The following FAM185A variants were observed in gnomAD, a reference collection of about 807,000 sequenced individuals.
The protein encoded by FAM185A is family with sequence similarity 185 member A, also known as protein FAM185A.
Under a neutral mutation model 45.7 loss-of-function variants are expected in FAM185A, and 21 were observed. The ratio of observed to expected loss-of-function variants is 0.46; its 90% CI spans 0.33 to 0.66. FAM185A has a LOEUF of 0.66. Among genes scored for constraint, FAM185A ranks in the 30% least tolerant of loss-of-function variants. FAM185A has a pLI of 0.03. For missense variants in FAM185A, 305 were observed against 485.4 expected (o/e 0.63, Z 3.49); for synonymous variants, 117 against 194.0 (o/e 0.60, Z 3.30).
the FAM185A span, among the ~76,000 whole-genome samples, chr7:102,825,894 G>A: frequency 2.0e-5 from 3 of 152,230 alleles, no homozygotes; most frequent in Middle Eastern, 3.4e-3. Flanking sequence ...TAAATTCTCC[G>A]AGCCTCAGTT....
At chr7:102,790,545 T>G (rs1045610139) in intron 7 of FAM185A, among the ~76,000 whole-genome samples, 4 of 152,248 alleles carry the variant, frequency 2.6e-5, no homozygotes, top group African/African-American at 9.6e-5. Flanking sequence ...AATCATAGCA[T>G]AACCAAAATT....
chr7:102,828,287 G>A, the FAM185A span, among the ~76,000 whole-genome samples: 11 of 151,840 alleles, frequency 7.2e-5, no homozygotes, highest in African/African-American at 2.4e-4. Context: ...TCTCCTTGAA[G>A]AGGTCCTTCA....
the FAM185A span, among the ~76,000 whole-genome samples, chr7:102,818,911 C>G: frequency 6.6e-6 from 1 of 152,038 alleles, no homozygotes; most frequent in African/African-American, 2.4e-5. Flanking sequence ...GTATTAAGCC[C>G]AGTATCTATT....
At chr7:102,833,067 CT>C in the FAM185A span, 40 of 1,346,902 alleles carry the variant, frequency 3.0e-5, no homozygotes, top group Middle Eastern at 2.1e-4. Context: ...ATTTCAGTCC[CT>C]GAAATACAGA....
At chr7:102,780,411 G>A (rs183724010) in intron 6 of FAM185A, among the ~76,000 whole-genome samples, 11 of 152,312 alleles carry the variant, frequency 7.2e-5, no homozygotes, top group Admixed American at 6.5e-4. Context: ...TCCTTTAGAA[G>A]GTTGAATTAC....
intron 6 of FAM185A, among the ~76,000 whole-genome samples, chr7:102,782,987 A>AG (rs1206487011): frequency 6.6e-6 from 1 of 151,642 alleles, no homozygotes; most frequent in African/African-American, 2.4e-5. Context: ...AAAAAAAGGC[A>AG]GGGGTTGCAA....
At chr7:102,834,318 G>C in the FAM185A span, among the ~76,000 whole-genome samples, 1 of 148,214 alleles carries the variant, frequency 6.7e-6, no homozygotes, top group Non-Finnish European at 1.5e-5. Flanking sequence ...AATTTTAGTT[G>C]TAAGTACTAG....
intron 5 of FAM185A, 98 bp from the exon 6 acceptor site, chr7:102,777,155 C>T: frequency 5.2e-6 from 7 of 1,344,388 alleles, no homozygotes; most frequent in Non-Finnish European, 7.1e-6. Flanking sequence ...GATTCTTAGC[C>T]CCTTATCCTA....
intron 2 of FAM185A, among the ~76,000 whole-genome samples, chr7:102,754,814 C>G (rs1297548733): frequency 6.6e-6 from 1 of 152,262 alleles, no homozygotes; most frequent in Non-Finnish European, 1.5e-5. Context: ...AGACCCTTAA[C>G]TAATTGAATG....
the FAM185A span, among the ~76,000 whole-genome samples, chr7:102,843,503 G>A: frequency 6.6e-6 from 1 of 152,056 alleles, no homozygotes; most frequent in Non-Finnish European, 1.5e-5. Flanking sequence ...GGCTGGGTAC[G>A]GTGGCTCACG....
At chr7:102,757,275 T>C (rs1202600036) in intron 2 of FAM185A, among the ~76,000 whole-genome samples, 1 of 152,116 alleles carries the variant, frequency 6.6e-6, no homozygotes, top group African/African-American at 2.4e-5. Flanking sequence ...TTTGGAATCA[T>C]ACAGAACTTG....
intron 4 of FAM185A, among the ~76,000 whole-genome samples, chr7:102,770,518 T>G (rs1794684823): frequency 1.3e-5 from 2 of 149,644 alleles, no homozygotes; most frequent in African/African-American, 4.9e-5. Flanking sequence ...AAAAAACTAA[T>G]AACCCTATTA....
chr7:102,763,190 T>C lies in FAM185A; in HGVS notation c.793+1779T>C, dbSNP rs977720514. ...ATGGTAGTAAAACAGGTGGTCTTTT[T>C]TGAAGCAGTCCTCAAAGTACTTAGG... On this transcript the variant is annotated intron_variant, in intron 4 of 7. Coordinates refer to ENST00000413034, the MANE Select transcript of FAM185A (RefSeq NM_001145268.2). Among the ~76,000 whole-genome samples, 22 of 152,186 alleles carry C rather than the reference T, an allele frequency of 1.4e-4. 1 individual carries two copies. Among genetic ancestry groups the C allele is most frequent in the Non-Finnish European group, 2.8e-4 (19 of 68,040 alleles).
At chr7:102,835,603 G>GT in the FAM185A span, among the ~76,000 whole-genome samples, 47,694 of 95,866 alleles carry the variant, frequency 0.5, 14,277 homozygotes, top group Non-Finnish European at 0.55. Flanking sequence ...AGGTGACATT[G>GT]TTTTTTTTTT....
At chr7:102,809,689 G>T (rs1797325007), downstream of FAM185A, among the ~76,000 whole-genome samples, 1 of 152,054 alleles carries the variant, frequency 6.6e-6, no homozygotes, top group Non-Finnish European at 1.5e-5. Flanking sequence ...ACAACAGAGT[G>T]AAACTCCGTC....
At chr7:102,807,211 A>C (rs536805501) in intron 7 of FAM185A, among the ~76,000 whole-genome samples, 2 of 151,528 alleles carry the variant, frequency 1.3e-5, no homozygotes, top group South Asian at 4.2e-4. Context: ...ACAGGAAGGG[A>C]GGGGCATGAG....
chr7:102,800,371 A>G (rs1796716816), intron 7 of FAM185A, among the ~76,000 whole-genome samples: 1 of 152,212 alleles, frequency 6.6e-6, no homozygotes, highest in African/African-American at 2.4e-5. Context: ...CTAGCTCACC[A>G]GCAATGGATC....
the FAM185A span, among the ~76,000 whole-genome samples, chr7:102,829,583 G>A: frequency 6.6e-6 from 1 of 152,188 alleles, no homozygotes; most frequent in Admixed American, 6.5e-5. Flanking sequence ...AGGGCCTAGT[G>A]CACTGCTGAG....
At chr7:102,820,887 A>G in the FAM185A span, among the ~76,000 whole-genome samples, 2 of 152,248 alleles carry the variant, frequency 1.3e-5, no homozygotes, top group East Asian at 1.9e-4. Flanking sequence ...TTAATTTTCA[A>G]CACATGAACT....
Sources: gnomAD v4.1 joint callset for allele counts (sites outside exome capture counted in the v4.1 genomes callset) on GRCh38, gnomAD v4.1.1 for gene constraint, MANE v1.5 for transcripts, NCBI Gene and HGNC (gene_info 2026-07-23, HGNC 2026-07-21) for gene names.